The following CASTOR2 variants were observed in gnomAD, a reference collection of about 807,000 sequenced individuals.
CASTOR2 encodes the protein cytosolic arginine sensor for mTORC1 subunit 2.
In CASTOR2, 8 loss-of-function variants were observed where a neutral mutation model predicts 31.2. The ratio of observed to expected loss-of-function variants is 0.26; its 90% CI spans 0.15 to 0.46. The LOEUF (loss-of-function observed/expected upper bound fraction) is 0.46. Among genes scored for constraint, CASTOR2 ranks in the 20% least tolerant of loss-of-function variants. CASTOR2 has a pLI of 0.99. For synonymous variants in CASTOR2, 162 were observed against 158.7 expected, an observed-to-expected ratio of 1.02 and a Z score of -0.16; for missense variants, 216 against 382.1, an observed-to-expected ratio of 0.57 and a Z score of 3.62.
At chr7:74,990,329 A>C (rs1804176267) in intron 1 of CASTOR2, among the ~76,000 whole-genome samples, 1 of 150,846 alleles carries the variant, frequency 6.6e-6, no homozygotes, top group African/African-American at 2.4e-5. Context: ...TGGAGCTTGC[A>C]GTGAGCCGAG....
chr7:74,989,154 CG>C (rs1372673461), intron 1 of CASTOR2, among the ~76,000 whole-genome samples: 71 of 151,736 alleles, frequency 4.7e-4, no homozygotes, highest in African/African-American at 1.7e-3. Flanking sequence ...CAAAATTTTA[CG>C]GGGTTTCACC....
At chr7:74,997,581 A>G (rs1804382340) in intron 1 of CASTOR2, among the ~76,000 whole-genome samples, 1 of 151,900 alleles carries the variant, frequency 6.6e-6, no homozygotes, top group African/African-American at 2.4e-5. Flanking sequence ...ATGTGCCACT[A>G]TGCCAGGCTA....
At chr7:75,020,206 G>C (rs1314301141) in intron 6 of CASTOR2, 57 bp downstream of exon 6, 3 of 1,464,920 alleles carry the variant, frequency 2.0e-6, no homozygotes, top group Non-Finnish European at 2.8e-6. Context: ...GGTCTGGGGG[G>C]ACTATGTGAT....
chr7:75,008,447 G>A (rs1181062806), intron 2 of CASTOR2, among the ~76,000 whole-genome samples: 3 of 152,262 alleles, frequency 2.0e-5, no homozygotes, highest in South Asian at 4.1e-4. Flanking sequence ...AGTGGCTCAC[G>A]CTTTTAGTCT....
chr7:75,010,369 T>C (rs1584473146), intron 2 of CASTOR2, among the ~76,000 whole-genome samples: 1 of 152,094 alleles, frequency 6.6e-6, no homozygotes, highest in South Asian at 2.1e-4. Flanking sequence ...CTTCAGGCAC[T>C]GGGGAGCCAC....
chr7:75,009,489 C>G (rs1428896434), intron 2 of CASTOR2, among the ~76,000 whole-genome samples: 3 of 148,838 alleles, frequency 2.0e-5, no homozygotes, highest in African/African-American at 7.5e-5. Flanking sequence ...AGGATGGTCT[C>G]GATCTCCTGA....
chr7:75,018,440 G>A (rs1333639245), intron 4 of CASTOR2, among the ~76,000 whole-genome samples: 12 of 152,334 alleles, frequency 7.9e-5, no homozygotes, highest in Admixed American at 1.3e-4. Context: ...TGAGGAGGCC[G>A]AGGCAGGAGA....
rs1202081005 is a variant in CASTOR2, at chr7:74,971,976, G to A, written c.113+6878G>A. ...CTGTTTTTTTATTAATATTAGTATG[G>A]AGACATCTCTTTATTTATTTATTTT... On this transcript the variant is annotated intron_variant, in intron 1 of 8. Coordinates refer to ENST00000616305, the MANE Select transcript of CASTOR2 (RefSeq NM_001145064.3). Among the ~76,000 whole-genome samples, 3 of 150,472 alleles carry A rather than the reference G, an allele frequency of 2.0e-5. No homozygotes were observed. In the Admixed American group the frequency reaches 2.0e-4, roughly 10 times the overall value.
intron 5 of CASTOR2, among the ~76,000 whole-genome samples, chr7:75,019,361 A>G (rs1804940201): frequency 6.6e-6 from 1 of 150,816 alleles, no homozygotes; most frequent in Non-Finnish European, 1.5e-5. Context: ...GGACACATGG[A>G]CCCTCCCCAG....
rs1805087080 is a variant in CASTOR2 at position 75,024,931 on chromosome 7, C to T, written c.*232C>T. The T allele has an allele frequency of 1.0e-6, 1 of 979,736 alleles. No homozygotes were observed. The highest frequency in any genetic ancestry group is 1.5e-6 in the Non-Finnish European group (1 of 665,214). The allele number at this position is 979,736 out of a possible 1,614,324, so 60.7% of individuals were successfully genotyped here. On this transcript the variant is annotated 3_prime_UTR_variant, in exon 9 of 9. Transcript: ENST00000616305. ...CCCGACCCTCCAGAGAACGACCTTTCTCTTCCCTACCTCCCCCACCCCGGA... is the reference window on the plus strand; with the variant it reads ...CCCGACCCTCCAGAGAACGACCTTTTTCTTCCCTACCTCCCCCACCCCGGA...
chr7:75,020,248 G>GT, intron 6 of CASTOR2, 99 bp downstream of exon 6: 1 of 1,233,434 alleles, frequency 8.1e-7, no homozygotes, highest in Non-Finnish European at 1.2e-6. Flanking sequence ...TTTATTTGTT[G>GT]TTGTTTTTTT....
intron 1 of CASTOR2, among the ~76,000 whole-genome samples, chr7:74,977,050 G>C (rs1473107014): frequency 6.6e-6 from 1 of 151,168 alleles, no homozygotes; most frequent in Non-Finnish European, 1.5e-5. Context: ...CTGATGTGGT[G>C]GTGGGCGCCT....
rs974225879 is a variant in CASTOR2, at chr7:75,030,454, C to T, written c.*5755C>T. Among the ~76,000 whole-genome samples, 2 of 152,174 alleles carry T rather than the reference C, an allele frequency of 1.3e-5. No homozygotes were observed. The highest frequency in any genetic ancestry group is 6.5e-5 in the Admixed American group (1 of 15,278). On this transcript the variant is annotated 3_prime_UTR_variant, in exon 9 of 9. Transcript: ENST00000616305. Reference sequence around the variant, plus strand: ...CGTCTCTGGTAGGACGGCCTCACCCCACTTGTCAGAACTACTCTGGAGGGG... The same window carrying T: ...CGTCTCTGGTAGGACGGCCTCACCCTACTTGTCAGAACTACTCTGGAGGGG...
intron 2 of CASTOR2, among the ~76,000 whole-genome samples, chr7:75,011,793 C>T (rs1224310493): frequency 6.9e-6 from 1 of 144,754 alleles, no homozygotes; most frequent in Admixed American, 6.9e-5. Context: ...CATGGAGGAA[C>T]CCCGTCTCTA....
chr7:74,999,299 C>T (rs1373389719), intron 1 of CASTOR2, among the ~76,000 whole-genome samples: 7 of 152,056 alleles, frequency 4.6e-5, no homozygotes, highest in Admixed American at 1.3e-4. Flanking sequence ...CATGAGCCAC[C>T]GCGCCCGACC....
intron 2 of CASTOR2, among the ~76,000 whole-genome samples, chr7:75,014,708 G>GA (rs1354432922): frequency 6.6e-6 from 1 of 152,152 alleles, no homozygotes; most frequent in Non-Finnish European, 1.5e-5. Flanking sequence ...TGATTGACCT[G>GA]AAATCCTCCA....
chr7:74,971,097 G>A lies in CASTOR2; in HGVS notation c.113+5999G>A, dbSNP rs1241818876. ...TGCAACCTCCGCCTCCCTGGTTCAA[G>A]CAATTCTCCTGCCTCAGCCTCTGGA... On this transcript the variant is annotated intron_variant, in intron 1 of 8. Transcript: ENST00000616305. Among the ~76,000 whole-genome samples the A allele has an allele frequency of 5.3e-5, 8 of 149,918 alleles. 1 individual carries two copies. The highest frequency in any genetic ancestry group is 1.0e-4 in the Non-Finnish European group (7 of 67,474).
intron 7 of CASTOR2, among the ~76,000 whole-genome samples, chr7:75,023,675 A>G (rs1805060703): frequency 6.6e-6 from 1 of 151,622 alleles, no homozygotes; most frequent in Non-Finnish European, 1.5e-5. Context: ...CCTGACCTCA[A>G]GTGATCCACC....
chr7:75,020,790 G>C (rs1169851502), intron 6 of CASTOR2, among the ~76,000 whole-genome samples: 4 of 150,626 alleles, frequency 2.7e-5, no homozygotes, highest in African/African-American at 9.8e-5. Flanking sequence ...CAACCAGCCT[G>C]ATTTTTTTTA....
Sources: allele counts gnomAD v4.1 joint callset (sites outside exome capture counted in the v4.1 genomes callset), GRCh38; gene constraint gnomAD v4.1.1; transcripts MANE v1.5; gene names NCBI Gene and HGNC (gene_info 2026-07-23, HGNC 2026-07-21).